The following LARS2 variants were observed in gnomAD, a reference collection of about 807,000 sequenced individuals.
The protein encoded by LARS2 is leucyl-tRNA synthetase 2, mitochondrial.
Under a neutral mutation model 116.6 loss-of-function variants are expected in LARS2, and 81 were observed. The ratio of observed to expected loss-of-function variants is 0.69; its 90% confidence interval spans 0.58 to 0.84. LARS2 has a LOEUF of 0.84. Among genes scored for constraint, LARS2 ranks in the 40% least tolerant of loss-of-function variants. The pLI, the probability that LARS2 is intolerant of heterozygous loss-of-function variation, is 0.00. For synonymous variants in LARS2, 396 were observed against 407.2 expected (o/e 0.97, Z 0.33); for missense variants, 968 against 1,114.5 (o/e 0.87, Z 1.87).
intron 15 of LARS2, among the ~76,000 whole-genome samples, chr3:45,510,779 T>C (rs1198722105): frequency 6.6e-6 from 1 of 152,110 alleles, no homozygotes; most frequent in Non-Finnish European, 1.5e-5. Context: ...TCTTCAAATA[T>C]GACTGCACTC....
At chr3:45,515,029 C>T (rs1446654784) in intron 16 of LARS2, among the ~76,000 whole-genome samples, 1 of 152,172 alleles carries the variant, frequency 6.6e-6, no homozygotes, top group East Asian at 1.9e-4. Flanking sequence ...ATGGAGTTGG[C>T]TTTTAGGTCT....
Position 45,413,402 on chromosome 3 carries a change from T to A in LARS2, c.364-4080T>A, listed in dbSNP as rs139163558. Among the ~76,000 whole-genome samples the A allele has an allele frequency of 8.8e-3, 1,340 of 152,346 alleles. 29 individuals are homozygous for A. The highest frequency in any genetic ancestry group is 0.05 in the Admixed American group (764 of 15,306). On this transcript the variant is annotated intron_variant, in intron 4 of 21. Coordinates refer to ENST00000645846, the MANE Select transcript of LARS2 (RefSeq NM_015340.4). ...TGCCATTTATTGGGTGCCTGTGCTG[T>A]GCCGGGCACCATGCTAGATGTGCCA...
At chr3:45,399,111 T>C (rs899788361) in intron 3 of LARS2, among the ~76,000 whole-genome samples, 12 of 152,212 alleles carry the variant, frequency 7.9e-5, no homozygotes, top group Non-Finnish European at 7.3e-5. Flanking sequence ...TATATAACCC[T>C]GGTCTGAGGC....
In LARS2 at chr3:45,412,234, A is replaced by T. The variant is rs983252052; in HGVS notation, c.364-5248A>T. Among the ~76,000 whole-genome samples, 4 of 152,246 alleles carry T rather than the reference A, an allele frequency of 2.6e-5. No individual in the cohort carries two copies. The South Asian group carries it at 8.3e-4, about 32-fold the overall frequency. The stretch of plus-strand genomic sequence containing the variant: ...TAATGGGATTGCTGGGTCAAATGGT[A>T]ATTCTGTTGTCAGCTTTTTGAAGAA... On this transcript the variant is annotated intron_variant, in intron 4 of 21. Coordinates refer to ENST00000645846, the MANE Select transcript of LARS2 (RefSeq NM_015340.4).
chr3:45,485,655 T>C (rs1431188952), intron 10 of LARS2, 37 bp from the exon 11 acceptor site: 2 of 1,217,944 alleles, frequency 1.6e-6, no homozygotes, highest in Non-Finnish European at 2.4e-6. Context: ...GGTGTCTCAG[T>C]TGAGTGGCAT....
At chr3:45,465,797 C>A (rs758181081) in intron 8 of LARS2, among the ~76,000 whole-genome samples, 1 of 152,310 alleles carries the variant, frequency 6.6e-6, no homozygotes, top group South Asian at 2.1e-4. Flanking sequence ...CCCAGATGTC[C>A]CCCACCAATG....
chr3:45,394,405 A>C, intron 2 of LARS2, 28 bp from the exon 3 acceptor site: 1 of 1,355,872 alleles, frequency 7.4e-7, no homozygotes. Context: ...GAGGCAGCTC[A>C]TAGTGTGCTT....
chr3:45,501,559 A>T (rs1444652732), intron 15 of LARS2, among the ~76,000 whole-genome samples: 2 of 152,318 alleles, frequency 1.3e-5, no homozygotes, highest in Non-Finnish European at 2.9e-5. Context: ...CTTCCAAAAT[A>T]GAACTCAGTT....
rs563485687 is a variant in LARS2 at position 45,509,773 on chromosome 3, G to A, written c.1761-3362G>A. On this transcript the variant is annotated intron_variant, in intron 15 of 21. Transcript: ENST00000645846. The stretch of plus-strand genomic sequence containing the variant: ...GAGGGAAAACACTTGGGAATGAGCA[G>A]GATTCTAGGAGCTGGGAAGCGCCCC... 5.9e-5 allele frequency among the ~76,000 whole-genome samples: 9 copies of A among 152,080 alleles called. No individual in the cohort carries two copies. In the South Asian group the frequency reaches 1.7e-3, roughly 28 times the overall value.
chr3:45,478,510 T>C (rs1699650102), intron 10 of LARS2, among the ~76,000 whole-genome samples: 1 of 152,142 alleles, frequency 6.6e-6, no homozygotes, highest in Non-Finnish European at 1.5e-5. Context: ...ATGTAGGAAA[T>C]GGAGAAATTT....
At chr3:45,394,714 G>T in intron 3 of LARS2, 27 bp downstream of exon 3, 1 of 1,535,730 alleles carries the variant, frequency 6.5e-7, no homozygotes, top group Non-Finnish European at 9.0e-7. Flanking sequence ...ATTCTAAGAG[G>T]GTAGAGAAGA....
At chr3:45,518,142 C>A in intron 18 of LARS2, 70 bp downstream of exon 18, 1 of 1,219,216 alleles carries the variant, frequency 8.2e-7, no homozygotes, top group Non-Finnish European at 1.2e-6. Flanking sequence ...TGCCTGTGGT[C>A]TTTGCTGCCC....
intron 15 of LARS2, among the ~76,000 whole-genome samples, chr3:45,503,269 T>G (rs1700148807): frequency 6.6e-6 from 1 of 152,068 alleles, no homozygotes. Context: ...ATACTTTTCT[T>G]TCCTCCTATA....
At chr3:45,521,749 G>A in intron 19 of LARS2, among the ~76,000 whole-genome samples, 1 of 152,076 alleles carries the variant, frequency 6.6e-6, no homozygotes, top group South Asian at 2.1e-4. Flanking sequence ...TTTAAAACAA[G>A]ATGCTTTTGT....
chr3:45,394,721 A>G (rs758150360), intron 3 of LARS2, 34 bp downstream of exon 3: 83 of 1,507,820 alleles, frequency 5.5e-5, no homozygotes, highest in Non-Finnish European at 7.2e-5. Flanking sequence ...GAGGGTAGAG[A>G]AGAGGGGTTG....
intron 6 of LARS2, among the ~76,000 whole-genome samples, chr3:45,446,647 A>G (rs940004749): frequency 3.9e-5 from 6 of 152,240 alleles, no homozygotes. Context: ...GGAGGTGTGC[A>G]AAAGACTTGA....
In LARS2 at chr3:45,476,606, A is replaced by G. The variant is rs760190347; in HGVS notation, c.997A>G (p.Met333Val). The G allele has an allele frequency of 2.5e-6, 4 of 1,614,154 alleles. No individual in the cohort carries two copies. Among genetic ancestry groups the G allele is most frequent in the African/African-American group, 2.7e-5 (2 of 75,044 alleles). ...CAGCTCTCTGAAGGAAGCCTTGAGG[A>G]TGGCCCTTGTCCCTGGCAAAGGTGA... ...GHSSLKEALR[M>V]ALVPGKDCLT... is the part of the protein sequence containing the mutation. The change falls in exon 10 of 22, where the codon ATG becomes GTG. Residue 333 changes from methionine to valine, a missense_variant. Physicochemically the swap from Met to Val is conservative, Grantham distance 21 (BLOSUM62 1). Coordinates refer to ENST00000645846, the MANE Select transcript of LARS2 (RefSeq NM_015340.4).
At chr3:45,533,441 C>G (rs796842722) in intron 20 of LARS2, among the ~76,000 whole-genome samples, 2 of 152,152 alleles carry the variant, frequency 1.3e-5, no homozygotes, top group African/African-American at 2.4e-5. Context: ...GCCACTGCGC[C>G]GGCCCCACAT....
chr3:45,488,554 C>T (rs1699855060), intron 11 of LARS2, 143 bp from the exon 12 acceptor site: 1 of 626,136 alleles, frequency 1.6e-6, no homozygotes, highest in Non-Finnish European at 2.9e-6. Flanking sequence ...ATTTTCCCAA[C>T]TAATGTGATG....
Sources: gnomAD v4.1 joint callset for allele counts (sites outside exome capture counted in the v4.1 genomes callset) on GRCh38, gnomAD v4.1.1 for gene constraint, MANE v1.5 for transcripts, NCBI Gene and HGNC (gene_info 2026-07-23, HGNC 2026-07-21) for gene names.